The following ADAM23 variants were observed in gnomAD, a reference collection of about 807,000 sequenced individuals.
ADAM23 encodes disintegrin and metalloproteinase domain-containing protein 23.
ADAM23 carries 33 observed loss-of-function variants against 120.1 expected under a neutral mutation model. The observed-to-expected ratio is 0.27, with a 90% CI of 0.21 to 0.37. The LOEUF is 0.37. Ranked by LOEUF, ADAM23 falls within the 10% of genes least tolerant of loss-of-function variation. The pLI, the probability that ADAM23 is intolerant of heterozygous loss-of-function variation, is 1.00. For synonymous variants in ADAM23, 367 were observed against 375.2 expected, an observed-to-expected ratio of 0.98 and a Z score of 0.25; for missense variants, 862 against 1,058.2, an observed-to-expected ratio of 0.81 and a Z score of 2.57.
chr2:206,567,994 G>A (rs1235405676), intron 15 of ADAM23, among the ~76,000 whole-genome samples: 8 of 152,102 alleles, frequency 5.3e-5, no homozygotes, highest in Admixed American at 1.3e-4. Flanking sequence ...TGGGGAAACC[G>A]CCCCCATGAT....
chr2:206,605,709 C>T, intron 24 of ADAM23: 1 of 694,246 alleles, frequency 1.4e-6, no homozygotes, highest in Non-Finnish European at 2.6e-6. Flanking sequence ...CAAAGCATGT[C>T]CTGAATAGAT....
At chr2:206,462,735 G>A (rs1695451807) in intron 2 of ADAM23, among the ~76,000 whole-genome samples, 1 of 152,028 alleles carries the variant, frequency 6.6e-6, no homozygotes. Flanking sequence ...GGTGAGGGAT[G>A]GAGAGACATT....
rs766415517 is a variant in ADAM23 at position 206,571,827 on chromosome 2, T to C, written c.1656+11T>C. The C allele has an allele frequency of 1.2e-6, 2 of 1,610,298 alleles. No individual in the cohort carries two copies. Among genetic ancestry groups the C allele is most frequent in the Non-Finnish European group, 8.5e-7 (1 of 1,176,606 alleles). On this transcript the variant is annotated intron_variant, in intron 17 of 25. Transcript: ENST00000264377. Reference sequence around the variant, plus strand: ...AATACCTCATGTCTTGTGAGTTTTCTGACAGTTTCATCTTTCTTTTAATTG... The same window carrying C: ...AATACCTCATGTCTTGTGAGTTTTCCGACAGTTTCATCTTTCTTTTAATTG...
Position 206,443,551 on chromosome 2 carries a change from G to T in ADAM23, c.-316G>T, listed in dbSNP as rs1332746745. 8.0e-6 allele frequency: 1 copy of T among 124,456 alleles called. No individual in the cohort carries two copies. Among genetic ancestry groups the T allele is most frequent in the Non-Finnish European group, 1.9e-5 (1 of 53,494 alleles). The allele number at this position is 124,456 out of a possible 1,614,324, so 7.7% of individuals were successfully genotyped here. ...CTCAGCATCCTCAGGCCCGGCGGCA[G>T]CCCCCGCAGTCGCTGAAGCGGCCGC... On this transcript the variant is annotated 5_prime_UTR_variant, in exon 1 of 26. Coordinates refer to ENST00000264377, the MANE Select transcript of ADAM23 (RefSeq NM_003812.4).
chr2:206,452,310 G>A (rs1346900295), intron 2 of ADAM23, among the ~76,000 whole-genome samples: 1 of 152,220 alleles, frequency 6.6e-6, no homozygotes, highest in African/African-American at 2.4e-5. Context: ...TGGTCCAACT[G>A]CTAACTGTGC....
At chr2:206,613,260 C>T (rs1478621503) in intron 25 of ADAM23, among the ~76,000 whole-genome samples, 11 of 152,036 alleles carry the variant, frequency 7.2e-5, no homozygotes, top group Middle Eastern at 3.2e-3. Flanking sequence ...GGTTTCTCCA[C>T]GTTGGCCAGG....
chr2:206,483,697 G>T (rs1439403693), intron 3 of ADAM23, among the ~76,000 whole-genome samples: 1 of 152,158 alleles, frequency 6.6e-6, no homozygotes, highest in Non-Finnish European at 1.5e-5. Context: ...ACTGGCACAT[G>T]CTGTGGAATA....
intron 3 of ADAM23, among the ~76,000 whole-genome samples, chr2:206,493,593 G>A (rs564797998): frequency 2.8e-4 from 42 of 152,248 alleles, no homozygotes; most frequent in African/African-American, 7.7e-4. Flanking sequence ...GGCTGGTCTC[G>A]AACTCCCGAC....
At chr2:206,479,088 CA>C (rs1191427731) in intron 2 of ADAM23, among the ~76,000 whole-genome samples, 6 of 152,156 alleles carry the variant, frequency 3.9e-5, no homozygotes, top group African/African-American at 1.2e-4. Context: ...TGATTGAATG[CA>C]AAAGCAAAAG....
At chr2:206,581,749 G>T (rs1293962756) in intron 18 of ADAM23, among the ~76,000 whole-genome samples, 1 of 152,176 alleles carries the variant, frequency 6.6e-6, no homozygotes, top group African/African-American at 2.4e-5. Context: ...TTGTTCCAAG[G>T]TATGGTGTAA....
chr2:206,572,743 GTA>G lies in ADAM23; in HGVS notation c.1657-366_1657-365del, dbSNP rs149561395. On this transcript the variant is annotated intron_variant, in intron 17 of 25. Coordinates refer to ENST00000264377, the MANE Select transcript of ADAM23 (RefSeq NM_003812.4). ...TAATAGGTAATTCAGTGAAGGTTGG[GTA>G]TATATGTGAATTCTTCAGAGAGATC... is the stretch of plus-strand genomic sequence containing the variant. Among the ~76,000 whole-genome samples, 1,041 of 152,272 alleles carry G rather than the reference GTA, an allele frequency of 6.8e-3. 21 individuals carry two copies. The highest frequency in any genetic ancestry group is 0.023 in the African/African-American group (964 of 41,560).
At chr2:206,457,734 G>A (rs753366951) in intron 2 of ADAM23, among the ~76,000 whole-genome samples, 1 of 152,102 alleles carries the variant, frequency 6.6e-6, no homozygotes, top group Non-Finnish European at 1.5e-5. Flanking sequence ...AAGTGGTTAT[G>A]TTTGGTGTTT....
chr2:206,617,440 G>C lies in ADAM23; in HGVS notation c.2451-139G>C, dbSNP rs946147882. Reference sequence around the variant, plus strand: ...TCTTTCAATTTCAAGTTATTTTGGAGACTGCCTCCATGTGAGTTAATTACT... The same window carrying C: ...TCTTTCAATTTCAAGTTATTTTGGACACTGCCTCCATGTGAGTTAATTACT... On this transcript the variant is annotated intron_variant, in intron 25 of 25. Coordinates refer to ENST00000264377, the MANE Select transcript of ADAM23 (RefSeq NM_003812.4). 3.5e-6 allele frequency: 3 copies of C among 857,318 alleles called. No homozygotes were observed. The African/African-American group carries it at 5.2e-5, about 15-fold the overall frequency. 53.1% of individuals were successfully genotyped at this position (857,318 alleles called of 1,614,324 possible).
chr2:206,490,975 A>T (rs536367233), intron 3 of ADAM23, among the ~76,000 whole-genome samples: 20 of 152,358 alleles, frequency 1.3e-4, no homozygotes, highest in African/African-American at 4.3e-4. Context: ...TAGGGTGTCT[A>T]TGCAACCTAC....
chr2:206,547,584 T>C, intron 7 of ADAM23, 83 bp downstream of exon 7: 1 of 1,205,138 alleles, frequency 8.3e-7, no homozygotes. Flanking sequence ...TGCAGGCTTG[T>C]TGGAAGTGGA....
Position 206,524,652 on chromosome 2 carries a change from G to A in ADAM23, c.510-6233G>A, listed in dbSNP as rs112107503. ...CATGGTGGCAGACAAGAGAGAATGCGAGTCAAGTGAAAGGGGTTTCCCCTT... is the reference window on the plus strand; with the variant it reads ...CATGGTGGCAGACAAGAGAGAATGCAAGTCAAGTGAAAGGGGTTTCCCCTT... On this transcript the variant is annotated intron_variant, in intron 3 of 25. Coordinates refer to ENST00000264377, the MANE Select transcript of ADAM23 (RefSeq NM_003812.4). Among the ~76,000 whole-genome samples, 476 of 152,330 alleles carry A rather than the reference G, an allele frequency of 3.1e-3. 6 individuals are homozygous for A. The highest frequency in any genetic ancestry group is 0.011 in the African/African-American group (449 of 41,580).
intron 6 of ADAM23, among the ~76,000 whole-genome samples, chr2:206,546,623 G>A (rs1172288890): frequency 6.6e-6 from 1 of 151,964 alleles, no homozygotes; most frequent in African/African-American, 2.4e-5. Flanking sequence ...TTCAGAATAT[G>A]TTCTTCCAGT....
chr2:206,619,936 C>T lies in ADAM23; in HGVS notation c.*2309C>T, dbSNP rs1699023885. The T allele has an allele frequency of 1.3e-5, 2 of 152,226 alleles. No homozygotes were observed. Among genetic ancestry groups the T allele is most frequent in the South Asian group, 4.1e-4 (2 of 4,834 alleles). 9.4% of individuals were successfully genotyped at this position (152,226 alleles called of 1,614,324 possible). On this transcript the variant is annotated 3_prime_UTR_variant, in exon 26 of 26. Transcript: ENST00000264377. The stretch of plus-strand genomic sequence containing the variant: ...GCTTCATAGGACACAGGTAGCATCC[C>T]TCTAGTCATTGGCAATGGCTCTTTC...
At chr2:206,601,086 G>A (rs1698632357) in intron 24 of ADAM23, among the ~76,000 whole-genome samples, 1 of 152,180 alleles carries the variant, frequency 6.6e-6, no homozygotes, top group Admixed American at 6.5e-5. Flanking sequence ...GTTACAGGGA[G>A]ACCCACATCA....
Sources: allele counts gnomAD v4.1 joint callset (sites outside exome capture counted in the v4.1 genomes callset), GRCh38; gene constraint gnomAD v4.1.1; transcripts MANE v1.5; gene names NCBI Gene and HGNC (gene_info 2026-07-23, HGNC 2026-07-21).